The following SEPTIN6 variants were observed in gnomAD, a reference collection of about 807,000 sequenced individuals.
SEPTIN6 encodes septin-6.
SEPTIN6 carries 8 observed loss-of-function variants against 33.6 expected under a neutral mutation model. The ratio of observed to expected loss-of-function variants is 0.24; its 90% CI spans 0.14 to 0.43. The LOEUF is 0.43. Among genes scored for constraint, SEPTIN6 ranks in the 20% least tolerant of loss-of-function variants. The pLI is 1.00. For missense variants in SEPTIN6, 250 were observed against 340.8 expected (o/e 0.73, Z 2.10); for synonymous variants, 131 against 140.0 (o/e 0.94, Z 0.45).
chrX:119,657,069 A>C (rs2054457797), intron 3 of SEPTIN6, among the ~76,000 whole-genome samples: 1 of 105,361 alleles, frequency 9.5e-6, no homozygotes, highest in African/African-American at 3.5e-5. Context: ...AAATACAAAA[A>C]TTAGCCAGGC....
intron 5 of SEPTIN6, among the ~76,000 whole-genome samples, chrX:119,649,688 A>G (rs924099927): frequency 6.4e-5 from 7 of 108,573 alleles, no homozygotes; most frequent in African/African-American, 2.0e-4. Flanking sequence ...CCTGAGCAAC[A>G]TAGCAAGACC....
chrX:119,666,893 A>C (rs376189045), intron 2 of SEPTIN6, among the ~76,000 whole-genome samples: 3 of 111,180 alleles, frequency 2.7e-5, no homozygotes, highest in South Asian at 7.6e-4. Context: ...GGTGCACCTT[A>C]ACTGCAAACG....
chrX:119,637,445 T>C (rs1240033188), intron 6 of SEPTIN6, among the ~76,000 whole-genome samples: 1 of 112,277 alleles, frequency 8.9e-6, no homozygotes, highest in Non-Finnish European at 1.9e-5. Context: ...ACAATCTAAA[T>C]TCAGCAGTCA....
At chrX:119,656,150 A>G (rs1465532329) in intron 3 of SEPTIN6, among the ~76,000 whole-genome samples, 1 of 112,274 alleles carries the variant, frequency 8.9e-6, no homozygotes, top group Non-Finnish European at 1.9e-5. Flanking sequence ...TAAAAACATT[A>G]TTTTGAGAAT....
intron 1 of SEPTIN6, chrX:119,686,622 CCAG>C: frequency 1.0e-6 from 1 of 969,170 alleles, no homozygotes; most frequent in Non-Finnish European, 1.3e-6. Context: ...GTTTCAAATC[CCAG>C]CAGCAGAAGC....
chrX:119,648,219 C>CA (rs1464308237), intron 5 of SEPTIN6, among the ~76,000 whole-genome samples: 1 of 110,029 alleles, frequency 9.1e-6, no homozygotes, highest in Non-Finnish European at 1.9e-5. Context: ...CATGAGGTAC[C>CA]AAGATGTGGT....
At chrX:119,666,918 G>A (rs1173450932) in intron 2 of SEPTIN6, among the ~76,000 whole-genome samples, 1 of 111,022 alleles carries the variant, frequency 9.0e-6, no homozygotes, top group Non-Finnish European at 1.9e-5. Flanking sequence ...CAGCACCTTG[G>A]AGGTGGGAAC....
intron 2 of SEPTIN6, among the ~76,000 whole-genome samples, chrX:119,666,308 G>A (rs1044414788): frequency 1.8e-5 from 2 of 111,815 alleles, no homozygotes; most frequent in East Asian, 2.8e-4. Context: ...GCCAAACCCC[G>A]CCTTGCGACC....
Position 119,619,060 on chromosome X carries a change from T to C in SEPTIN6, c.*1033A>G, listed in dbSNP as rs2053708078. On this transcript the variant is annotated 3_prime_UTR_variant, in exon 11 of 11. Coordinates refer to ENST00000394610, the MANE Select transcript of SEPTIN6 (RefSeq NM_145799.4). ...CTCTCCGGCCGAGTCTCATCTCTTC[T>C]TATTGGGGGATGCATGCAAAATGCA... is the stretch of plus-strand genomic sequence containing the variant. 9.7e-6 allele frequency: 9 copies of C among 930,825 alleles called. No homozygotes were observed. Among genetic ancestry groups the C allele is most frequent in the Non-Finnish European group, 1.1e-5 (8 of 750,424 alleles). 76.7% of individuals were successfully genotyped at this position (930,825 alleles called of 1,213,427 possible).
chrX:119,650,197 G>T, intron 4 of SEPTIN6, 99 bp from the exon 5 acceptor site: 1 of 863,224 alleles, frequency 1.2e-6, no homozygotes, highest in Non-Finnish European at 1.7e-6. Context: ...GAGCCGCTCA[G>T]CCCAGTGGTC....
Position 119,618,760 on chromosome X carries a change from T to G in SEPTIN6, c.*1333A>C. The G allele has an allele frequency of 1.7e-6, 2 of 1,208,962 alleles. No individual in the cohort carries two copies. The highest frequency in any genetic ancestry group is 2.2e-6 in the Non-Finnish European group (2 of 893,858). ...AGTCCAGTCCAGCTGTAGCGGGGAA[T>G]ACTATTCAGTACACAGCCATGGATT... On this transcript the variant is annotated 3_prime_UTR_variant, in exon 11 of 11. Coordinates refer to ENST00000394610, the MANE Select transcript of SEPTIN6 (RefSeq NM_145799.4).
At chrX:119,627,833 T>TCTGTCG (rs1434834255) in intron 9 of SEPTIN6, among the ~76,000 whole-genome samples, 2 of 89,739 alleles carry the variant, frequency 2.2e-5, no homozygotes, top group Non-Finnish European at 4.3e-5. Context: ...AGAGTCTCAA[T>TCTGTCG]CTGTCGCCCA....
intron 1 of SEPTIN6, among the ~76,000 whole-genome samples, chrX:119,690,078 A>G (rs1366131858): frequency 9.0e-6 from 1 of 111,548 alleles, no homozygotes; most frequent in African/African-American, 3.3e-5. Context: ...TCCAGTTGAC[A>G]AGGGCTAACC....
At position 119,625,412 on chromosome X, in the gene SEPTIN6, T is replaced by C. The variant is rs373656428; in HGVS notation, c.1281-33A>G. 218 of 1,173,297 alleles carry C rather than the reference T, an allele frequency of 1.9e-4. 1 individual carries two copies. The East Asian group carries it at 6.1e-3, about 33-fold the overall frequency. On this transcript the variant is annotated intron_variant, in intron 9 of 10. Transcript: ENST00000394610. ...ACAGTAAGAGCTGATGAAGATGGAG[T>C]GAGCATGAGGGGAAATCAAATATTA...
chrX:119,618,016 C>T lies in SEPTIN6; in HGVS notation c.*2077G>A, dbSNP rs1208124674. On this transcript the variant is annotated 3_prime_UTR_variant, in exon 11 of 11. Coordinates refer to ENST00000394610, the MANE Select transcript of SEPTIN6 (RefSeq NM_145799.4). Reference sequence around the variant, plus strand: ...GGCGGTGTGGGGAAGTGGTGGTTACCGGTTGGTTGTTTAAGCGTGAATTTC... The same window carrying T: ...GGCGGTGTGGGGAAGTGGTGGTTACTGGTTGGTTGTTTAAGCGTGAATTTC... 2.9e-5 allele frequency: 23 copies of T among 805,479 alleles called. No homozygotes were observed. The highest frequency in any genetic ancestry group is 3.3e-5 in the Non-Finnish European group (22 of 670,935). The allele number at this position is 805,479 out of a possible 1,213,427, so 66.4% of individuals were successfully genotyped here.
Position 119,618,601 on chromosome X carries a change from G to T in SEPTIN6, c.*1492C>A. 2 of 1,037,679 alleles carry T rather than the reference G, an allele frequency of 1.9e-6. No individual in the cohort carries two copies. Among genetic ancestry groups the T allele is most frequent in the Non-Finnish European group, 2.5e-6 (2 of 805,761 alleles). 85.5% of individuals were successfully genotyped at this position (1,037,679 alleles called of 1,213,427 possible). A position where few individuals can be genotyped will look rare whatever the true frequency, so the allele number is the denominator to read the frequency against. On this transcript the variant is annotated 3_prime_UTR_variant, in exon 11 of 11. Transcript: ENST00000394610. ...GTGCCAGTGGGGCTGGGAGGCAGGA[G>T]CAAGTTGCGGAACTCAAAAAGAAGA...
Position 119,618,011 on chromosome X carries a change from G to A in SEPTIN6, c.*2082C>T, listed in dbSNP as rs945629652. On this transcript the variant is annotated 3_prime_UTR_variant, in exon 11 of 11. Transcript: ENST00000394610. ...CGGGCGGCGGTGTGGGGAAGTGGTG[G>A]TTACCGGTTGGTTGTTTAAGCGTGA... 1.2e-6 allele frequency: 1 copy of A among 805,222 alleles called. No individual in the cohort carries two copies. The highest frequency in any genetic ancestry group is 1.5e-6 in the Non-Finnish European group (1 of 670,754). 66.4% of individuals were successfully genotyped at this position (805,222 alleles called of 1,213,427 possible).
chrX:119,637,289 G>C, intron 6 of SEPTIN6, 94 bp from the exon 7 acceptor site: 1 of 797,046 alleles, frequency 1.3e-6, no homozygotes, highest in Non-Finnish European at 1.8e-6. Flanking sequence ...GTCTAACAGT[G>C]ACGTTGCCTT....
At chrX:119,656,533 T>C (rs188952862) in intron 3 of SEPTIN6, among the ~76,000 whole-genome samples, 565 of 112,000 alleles carry the variant, frequency 5.0e-3, no homozygotes, top group Non-Finnish European at 7.7e-3. Flanking sequence ...CTTGAGTAAA[T>C]TATTCACAGT....
Sources: allele counts gnomAD v4.1 joint callset (sites outside exome capture counted in the v4.1 genomes callset), GRCh38; gene constraint gnomAD v4.1.1; transcripts MANE v1.5; gene names NCBI Gene and HGNC (gene_info 2026-07-23, HGNC 2026-07-21).